DMD: variants seen among roughly 807,000 people sequenced by gnomAD.
The protein encoded by DMD is mutant dystrophin.
DMD carries 63 observed loss-of-function variants against 330.1 expected under a neutral mutation model. The ratio of observed to expected loss-of-function variants is 0.19; its 90% CI spans 0.16 to 0.24. The LOEUF (loss-of-function observed/expected upper bound fraction) is 0.24, where lower values mean the gene tolerates loss of function less well. DMD is among the 10% of genes least tolerant of loss of function. DMD has a pLI of 1.00. For synonymous variants in DMD, 1,223 were observed against 959.8 expected, an observed-to-expected ratio of 1.27 and a Z score of -5.07; for missense variants, 3,344 against 2,684.1, an observed-to-expected ratio of 1.25 and a Z score of -5.43.
chrX:31,804,722 C>T (rs1415916316), intron 50 of DMD, among the ~76,000 whole-genome samples: 1 of 111,529 alleles, frequency 9.0e-6, no homozygotes, highest in African/African-American at 3.3e-5. Context: ...ATTTTTAAAA[C>T]GTGCTAGGCT....
chrX:32,314,772 C>G (rs376528142), intron 41 of DMD, among the ~76,000 whole-genome samples: 17 of 111,584 alleles, frequency 1.5e-4, no homozygotes, highest in African/African-American at 3.9e-4. Flanking sequence ...ACGCGGCCAA[C>G]AAACATAAGA....
intron 54 of DMD, among the ~76,000 whole-genome samples, chrX:31,653,800 C>T (rs2081505743): frequency 9.0e-6 from 1 of 111,298 alleles, no homozygotes; most frequent in African/African-American, 3.3e-5. Context: ...CAGAGGCTCA[C>T]ATTTCTGGCT....
At chrX:32,761,422 C>T (rs918079554) in intron 7 of DMD, among the ~76,000 whole-genome samples, 1 of 112,035 alleles carries the variant, frequency 8.9e-6, no homozygotes, top group Admixed American at 9.5e-5. Context: ...ACTATTTTCA[C>T]AGCTTTTGGA....
At chrX:32,472,334 G>A (rs367764068) in intron 21 of DMD, 25 bp from the exon 22 acceptor site, 63 of 1,201,295 alleles carry the variant, frequency 5.2e-5, no homozygotes, top group Non-Finnish European at 1.9e-5. Flanking sequence ...AAAAAAGAAT[G>A]AGAATCACTT....
Position 32,386,601 on chromosome X carries a change from G to A in DMD, c.4519-136C>T, listed in dbSNP as rs16990296. On this transcript the variant is annotated intron_variant, in intron 32 of 78. Coordinates refer to ENST00000357033, the MANE Select transcript of DMD (RefSeq NM_004006.3). Reference sequence around the variant, plus strand: ...TTTTAATAGAGTAGCATTTTGCAGCGGTGGTCAATATCTAGCTTTTGCATT... The same window carrying A: ...TTTTAATAGAGTAGCATTTTGCAGCAGTGGTCAATATCTAGCTTTTGCATT... 0.12 allele frequency: 66,951 copies of A among 539,480 alleles called. 3,817 individuals are homozygous for A. The highest frequency in any genetic ancestry group is 0.31 in the African/African-American group (13,012 of 42,014). The allele number at this position is 539,480 out of a possible 1,213,427, so 44.5% of individuals were successfully genotyped here.
chrX:31,134,042 T>C, intron 77 of DMD, 60 bp downstream of exon 77: 3 of 1,028,001 alleles, frequency 2.9e-6, no homozygotes, highest in South Asian at 3.8e-5. Context: ...ACCAGTTGGG[T>C]AGGGAAGCGA....
chrX:31,379,399 T>C (rs773244267), intron 60 of DMD, among the ~76,000 whole-genome samples: 2 of 111,480 alleles, frequency 1.8e-5, no homozygotes, highest in East Asian at 5.6e-4. Context: ...GTTTAGGCTC[T>C]TTTTCATCAA....
At chrX:31,554,622 C>T (rs1359043853) in intron 55 of DMD, among the ~76,000 whole-genome samples, 1 of 111,410 alleles carries the variant, frequency 9.0e-6, no homozygotes, top group African/African-American at 3.3e-5. Flanking sequence ...TTATTTTTTC[C>T]CCCTCTGGCC....
intron 1 of DMD, among the ~76,000 whole-genome samples, chrX:33,154,756 C>A (rs932122333): frequency 9.0e-6 from 1 of 111,145 alleles, no homozygotes; most frequent in Non-Finnish European, 1.9e-5. Flanking sequence ...GGGTCTTTTG[C>A]CAACTCATTA....
intron 7 of DMD, among the ~76,000 whole-genome samples, chrX:32,761,684 G>T (rs1277559885): frequency 9.0e-6 from 1 of 111,641 alleles, no homozygotes; most frequent in Non-Finnish European, 1.9e-5. Context: ...GCACTCCTCA[G>T]TACTACCAGG....
chrX:32,121,591 T>C (rs187485791), intron 44 of DMD, among the ~76,000 whole-genome samples: 1 of 92,199 alleles, frequency 1.1e-5, no homozygotes, highest in African/African-American at 3.9e-5. Flanking sequence ...AAAGCTTTCT[T>C]TTCAAATAAG....
At chrX:32,184,688 G>A (rs893241935) in intron 44 of DMD, among the ~76,000 whole-genome samples, 1 of 111,126 alleles carries the variant, frequency 9.0e-6, no homozygotes, top group Non-Finnish European at 1.9e-5. Context: ...TGTCATGAAA[G>A]TCATTCATGC....
intron 44 of DMD, among the ~76,000 whole-genome samples, chrX:32,147,573 A>G (rs2096783766): frequency 8.9e-6 from 1 of 111,932 alleles, no homozygotes; most frequent in African/African-American, 3.2e-5. Flanking sequence ...AAAATATGAA[A>G]TCAAATATAA....
chrX:32,851,570 A>T (rs1221491637), intron 2 of DMD, among the ~76,000 whole-genome samples: 1 of 112,495 alleles, frequency 8.9e-6, no homozygotes, highest in Non-Finnish European at 1.9e-5. Context: ...CCACACAAGC[A>T]AGCACCTACA....
intron 1 of DMD, among the ~76,000 whole-genome samples, chrX:33,114,389 T>A (rs1355881000): frequency 9.0e-6 from 1 of 110,862 alleles, no homozygotes; most frequent in Admixed American, 9.8e-5. Flanking sequence ...ATATTACAGG[T>A]GTGAGCCACC....
intron 44 of DMD, among the ~76,000 whole-genome samples, chrX:32,011,759 C>A (rs1051562680): frequency 9.0e-6 from 1 of 111,414 alleles, no homozygotes; most frequent in Non-Finnish European, 1.9e-5. Flanking sequence ...AGAACAGCTT[C>A]CTGCGACTGC....
chrX:31,332,590 T>C (rs1032428925), intron 61 of DMD, among the ~76,000 whole-genome samples: 13 of 112,051 alleles, frequency 1.2e-4, no homozygotes, highest in African/African-American at 4.2e-4. Context: ...TTGAGACGTG[T>C]GGGTTGCTAT....
intron 44 of DMD, among the ~76,000 whole-genome samples, chrX:32,039,873 T>G (rs781276230): frequency 9.0e-6 from 1 of 111,356 alleles, no homozygotes; most frequent in African/African-American, 3.3e-5. Flanking sequence ...TTTCTTACAT[T>G]GCACATTTAA....
chrX:32,930,634 A>G (rs2089501713), intron 2 of DMD, among the ~76,000 whole-genome samples: 1 of 110,435 alleles, frequency 9.1e-6, no homozygotes, highest in South Asian at 3.8e-4. Context: ...TGTCCTTCCC[A>G]GATACTATGA....
Sources: allele counts gnomAD v4.1 joint callset (sites outside exome capture counted in the v4.1 genomes callset), GRCh38; gene constraint gnomAD v4.1.1; transcripts MANE v1.5; gene names NCBI Gene and HGNC (gene_info 2026-07-23, HGNC 2026-07-21).